The following INPP4B variants were observed in gnomAD, a reference collection of about 807,000 sequenced individuals.
INPP4B encodes inositol polyphosphate 4-phosphatase type II.
Under a neutral mutation model 122.5 loss-of-function variants are expected in INPP4B, and 55 were observed. The ratio of observed to expected loss-of-function variants is 0.45; its 90% CI spans 0.36 to 0.56. The LOEUF (loss-of-function observed/expected upper bound fraction) is 0.56, where lower values mean the gene tolerates loss of function less well. Among genes scored for constraint, INPP4B ranks in the 20% least tolerant of loss-of-function variants. The pLI is 0.00. For missense variants in INPP4B, 1,000 were observed against 1,097.7 expected, an observed-to-expected ratio of 0.91 and a Z score of 1.26; for synonymous variants, 403 against 388.7, an observed-to-expected ratio of 1.04 and a Z score of -0.43.
chr4:142,581,781 A>G (rs552997012), intron 2 of INPP4B, among the ~76,000 whole-genome samples: 2 of 152,168 alleles, frequency 1.3e-5, no homozygotes, highest in East Asian at 3.9e-4. Context: ...ATCATTTTGC[A>G]TATGAGATTA....
intron 16 of INPP4B, among the ~76,000 whole-genome samples, chr4:142,162,504 G>T (rs1820606606): frequency 6.6e-6 from 1 of 151,836 alleles, no homozygotes; most frequent in Non-Finnish European, 1.5e-5. Context: ...CTCTGTTGAT[G>T]GTTTCAATAA....
chr4:142,630,964 A>C (rs1348481648), intron 2 of INPP4B, among the ~76,000 whole-genome samples: 2 of 152,144 alleles, frequency 1.3e-5, no homozygotes, highest in Non-Finnish European at 2.9e-5. Context: ...TAGTGTGACC[A>C]GGTGCCTGGC....
At chr4:142,549,389 T>C (rs1042187837) in intron 2 of INPP4B, among the ~76,000 whole-genome samples, 1 of 152,022 alleles carries the variant, frequency 6.6e-6, no homozygotes, top group East Asian at 1.9e-4. Flanking sequence ...TTCTGGAGCA[T>C]GTCCAGAGAA....
intron 10 of INPP4B, among the ~76,000 whole-genome samples, chr4:142,270,348 ATAGAGT>A (rs1745151007): frequency 6.6e-6 from 1 of 152,306 alleles, no homozygotes; most frequent in Admixed American, 6.5e-5. Flanking sequence ...GGCATCTCAC[ATAGAGT>A]TAATTATGGT....
chr4:142,607,169 A>C (rs1002208896), intron 2 of INPP4B, among the ~76,000 whole-genome samples: 54 of 152,072 alleles, frequency 3.6e-4, no homozygotes, highest in African/African-American at 1.3e-3. Flanking sequence ...AAAAAATAGA[A>C]AGACAAACTT....
chr4:142,812,535 G>T (rs1028423502), intron 1 of INPP4B, among the ~76,000 whole-genome samples: 2 of 151,788 alleles, frequency 1.3e-5, no homozygotes, highest in African/African-American at 2.4e-5. Flanking sequence ...TTGTCTTCTT[G>T]CCTACTGTAT....
chr4:142,192,354 A>AAAAAAAAATAAG (rs148371542), intron 15 of INPP4B, among the ~76,000 whole-genome samples: 1 of 73,182 alleles, frequency 1.4e-5, no homozygotes, highest in Non-Finnish European at 2.8e-5. Context: ...AAAAAAAAAA[A>AAAAAAAAATAAG]TGGGATTCTT....
At chr4:142,162,704 T>C (rs1820697615) in intron 16 of INPP4B, among the ~76,000 whole-genome samples, 1 of 151,948 alleles carries the variant, frequency 6.6e-6, no homozygotes, top group Non-Finnish European at 1.5e-5. Flanking sequence ...GAGATTCCAC[T>C]TCATTTATTC....
intron 1 of INPP4B, among the ~76,000 whole-genome samples, chr4:142,840,166 C>A (rs1783302130): frequency 6.6e-6 from 1 of 152,104 alleles, no homozygotes; most frequent in African/African-American, 2.4e-5. Flanking sequence ...AATTTGGTCA[C>A]TGGTGACCGG....
At chr4:142,626,852 T>C (rs1158295377) in intron 2 of INPP4B, among the ~76,000 whole-genome samples, 1 of 152,092 alleles carries the variant, frequency 6.6e-6, no homozygotes. Context: ...ACTAGTAGTG[T>C]TTGATGCTGT....
chr4:142,724,280 A>G (rs1201019625), intron 2 of INPP4B, among the ~76,000 whole-genome samples: 1 of 152,148 alleles, frequency 6.6e-6, no homozygotes, highest in Non-Finnish European at 1.5e-5. Flanking sequence ...TATCTCTGAG[A>G]AAAGAAAAAT....
chr4:142,327,581 T>C (rs896250627), intron 7 of INPP4B, among the ~76,000 whole-genome samples: 1 of 152,158 alleles, frequency 6.6e-6, no homozygotes, highest in African/African-American at 2.4e-5. Flanking sequence ...TCTTTCTCTA[T>C]AGAATTCTAC....
intron 5 of INPP4B, among the ~76,000 whole-genome samples, chr4:142,421,885 A>G (rs1046250924): frequency 6.6e-6 from 1 of 152,018 alleles, no homozygotes; most frequent in Non-Finnish European, 1.5e-5. Flanking sequence ...TCTGCCTGAC[A>G]TTATTAAAGT....
intron 25 of INPP4B, among the ~76,000 whole-genome samples, chr4:142,077,123 T>C (rs1002089201): frequency 1.3e-5 from 2 of 152,028 alleles, no homozygotes; most frequent in African/African-American, 4.8e-5. Flanking sequence ...ATTTGATAAA[T>C]GAAACTCAAT....
At chr4:142,654,376 A>AAC (rs1203091573) in intron 2 of INPP4B, 1 of 150,788 alleles carries the variant, frequency 6.6e-6, no homozygotes, top group Non-Finnish European at 1.5e-5. Context: ...ATAAAAAAAA[A>AAC]AAAAAAAAAA....
chr4:142,546,544 C>G (rs1489688158), intron 2 of INPP4B, among the ~76,000 whole-genome samples: 1 of 152,110 alleles, frequency 6.6e-6, no homozygotes, highest in Non-Finnish European at 1.5e-5. Context: ...ATCCCAGGTT[C>G]TTTGTCTTGA....
At chr4:142,499,886 T>G (rs186172902) in intron 2 of INPP4B, among the ~76,000 whole-genome samples, 2 of 152,308 alleles carry the variant, frequency 1.3e-5, no homozygotes, top group Admixed American at 1.3e-4. Flanking sequence ...CTAACCCACC[T>G]TGCAATCTGA....
intron 1 of INPP4B, among the ~76,000 whole-genome samples, chr4:142,794,213 T>C (rs1331147621): frequency 6.6e-6 from 1 of 152,058 alleles, no homozygotes; most frequent in Non-Finnish European, 1.5e-5. Flanking sequence ...GGACCTGTCT[T>C]GCCAGATATC....
chr4:142,651,917 A>G (rs952495740), intron 2 of INPP4B, among the ~76,000 whole-genome samples: 3 of 152,104 alleles, frequency 2.0e-5, no homozygotes. Context: ...GAGACACAAC[A>G]AAAAAAGAAT....
Sources: gnomAD v4.1 joint callset for allele counts (sites outside exome capture counted in the v4.1 genomes callset) on GRCh38, gnomAD v4.1.1 for gene constraint, MANE v1.5 for transcripts, NCBI Gene and HGNC (gene_info 2026-07-23, HGNC 2026-07-21) for gene names.